IGF2BP1: variants seen among roughly 807,000 people sequenced by gnomAD.
IGF2BP1 encodes the protein insulin like growth factor 2 mRNA binding protein 1.
In IGF2BP1, 11 loss-of-function variants were observed where a neutral mutation model predicts 74.9. The observed-to-expected ratio is 0.15, with a 90% CI of 0.09 to 0.24. IGF2BP1 has a LOEUF of 0.24. IGF2BP1 is among the 10% of genes least tolerant of loss of function. The pLI, the probability that IGF2BP1 is intolerant of heterozygous loss-of-function variation, is 1.00. For synonymous variants in IGF2BP1, 287 were observed against 281.8 expected, an observed-to-expected ratio of 1.02 and a Z score of -0.18; for missense variants, 440 against 757.4, an observed-to-expected ratio of 0.58 and a Z score of 4.92.
rs2041844758 is a variant in IGF2BP1 at position 49,025,736 on chromosome 17, G to A, written c.285+70G>A. 3 of 1,422,780 alleles carry A rather than the reference G, an allele frequency of 2.1e-6. No homozygotes were observed. The South Asian group carries it at 3.6e-5, about 17-fold the overall frequency. The allele number at this position is 1,422,780 out of a possible 1,614,324, so 88.1% of individuals were successfully genotyped here. On this transcript the variant is annotated intron_variant, in intron 3 of 14. Transcript: ENST00000290341. ...CTGGAAAGTACGTCTGGACTAGCTG[G>A]AGTTGCCAGAAATGATTGGGGAGGT...
At chr17:49,021,711 T>C (rs1426996278) in intron 2 of IGF2BP1, among the ~76,000 whole-genome samples, 2 of 152,224 alleles carry the variant, frequency 1.3e-5, no homozygotes, top group East Asian at 3.8e-4. Flanking sequence ...GGGGAGGGAC[T>C]AATGAACTCA....
intron 9 of IGF2BP1, 29 bp downstream of exon 9, chr17:49,042,406 T>C (rs1186278368): frequency 1.2e-6 from 2 of 1,613,744 alleles, no homozygotes; most frequent in Middle Eastern, 1.6e-4. Context: ...CCTCTGCTTA[T>C]CCTTTCCTGA....
intron 1 of IGF2BP1, among the ~76,000 whole-genome samples, chr17:48,998,758 G>A (rs1333187901): frequency 6.6e-6 from 1 of 152,190 alleles, no homozygotes; most frequent in Non-Finnish European, 1.5e-5. Flanking sequence ...TCTGAGGAAC[G>A]GGGAGCCCTT....
At chr17:49,019,215 C>T (rs910310027) in intron 2 of IGF2BP1, among the ~76,000 whole-genome samples, 1 of 152,106 alleles carries the variant, frequency 6.6e-6, no homozygotes, top group Non-Finnish European at 1.5e-5. Flanking sequence ...TTTCAGTCTC[C>T]CATTCACACT....
At chr17:49,025,721 C>T (rs573198351) in intron 3 of IGF2BP1, 55 bp downstream of exon 3, 80 of 1,520,084 alleles carry the variant, frequency 5.3e-5, no homozygotes, top group Admixed American at 3.9e-4. Context: ...CTGGAAAGTA[C>T]GTCTGGACTA....
intron 4 of IGF2BP1, 140 bp from the exon 5 acceptor site, chr17:49,031,770 A>C: frequency 1.4e-6 from 1 of 739,476 alleles, no homozygotes; most frequent in Non-Finnish European, 2.3e-6. Flanking sequence ...CCAAGATGCT[A>C]GGATTTGCAG....
At chr17:48,998,504 T>C (rs1370523415) in intron 1 of IGF2BP1, among the ~76,000 whole-genome samples, 3 of 151,116 alleles carry the variant, frequency 2.0e-5, no homozygotes, top group Admixed American at 1.3e-4. Flanking sequence ...GTGAGCGGGG[T>C]GGCGCGGCGG....
intron 2 of IGF2BP1, chr17:49,014,834 C>T (rs1433803290): frequency 1.0e-6 from 1 of 985,366 alleles, no homozygotes; most frequent in Non-Finnish European, 1.2e-6. Flanking sequence ...TCTCATGGTG[C>T]GGTGGGAAGC....
intron 14 of IGF2BP1, among the ~76,000 whole-genome samples, 193 bp downstream of exon 14, chr17:49,046,566 AT>A (rs1187368283): frequency 2.6e-5 from 4 of 151,764 alleles, no homozygotes; most frequent in African/African-American, 9.7e-5. Context: ...ATTACCTCTT[AT>A]TACTCTCTAG....
rs749024088 is a variant in IGF2BP1, at chr17:49,040,050, G to T, written c.777G>T (p.Met259Ile). Residue 259 changes from methionine (M) to isoleucine (I), a missense_variant, in exon 7 of 15, where the codon ATG (methionine) becomes ATT (isoleucine). Around this residue, in one of 5 missense-constraint regions of IGF2BP1, gnomAD observed 184 missense variants for 273.4 expected, o/e 0.67. Transcript: ENST00000290341. ...TPEGCSSACK[M>I]ILEIMHKEAK... The stretch of plus-strand genomic sequence containing the variant: ...AGGGCTGCTCCTCCGCTTGTAAGAT[G>T]ATCTTGGAGATTATGCATAAAGAGG... 6.2e-7 allele frequency: 1 copy of T among 1,613,994 alleles called. No individual in the cohort carries two copies. The highest frequency in any genetic ancestry group is 8.5e-7 in the Non-Finnish European group (1 of 1,180,036).
intron 2 of IGF2BP1, among the ~76,000 whole-genome samples, chr17:49,020,374 C>T (rs557500829): frequency 6.6e-6 from 1 of 152,082 alleles, no homozygotes; most frequent in Non-Finnish European, 1.5e-5. Context: ...GGAATTAACA[C>T]GCCAGGCTCT....
rs1491495832 is a variant in IGF2BP1, at chr17:49,038,874, A to ATCT, written c.683+426_683+427insCTT. Among the ~76,000 whole-genome samples the ATCT allele has an allele frequency of 3.5e-3, 266 of 75,272 alleles. 13 individuals are homozygous for ATCT. The highest frequency in any genetic ancestry group is 0.014 in the African/African-American group (254 of 17,864). The allele number at this position is 75,272 out of a possible 152,430, so 49.4% of individuals were successfully genotyped here. On this transcript the variant is annotated intron_variant, in intron 6 of 14. Transcript: ENST00000290341. Reference sequence around the variant, plus strand: ...CTGCCACTGCCACCTTCTTTCTTTAATATTTTTTTTTTTTTTTTTTTGAGA... The same window carrying ATCT: ...CTGCCACTGCCACCTTCTTTCTTTAATCTTATTTTTTTTTTTTTTTTTTTGAGA...
chr17:48,997,565 C>G lies in IGF2BP1; in HGVS notation c.-181C>G. 1 of 623,922 alleles carries G rather than the reference C, an allele frequency of 1.6e-6. No homozygotes were observed. The highest frequency in any genetic ancestry group is 2.8e-5 in the East Asian group (1 of 35,156). The allele number at this position is 623,922 out of a possible 1,614,324, so 38.6% of individuals were successfully genotyped here. Reference sequence around the variant, plus strand: ...GGGCTCTCCCCGAACTCTCCCGCGACCTCTGCGCGCCCTCAGGCCGCCTTC... The same window carrying G: ...GGGCTCTCCCCGAACTCTCCCGCGAGCTCTGCGCGCCCTCAGGCCGCCTTC... On this transcript the variant is annotated 5_prime_UTR_variant, in exon 1 of 15. Transcript: ENST00000290341. This position sits in a 1 kb window ranked among gnomAD's most constrained non-coding sequence, Gnocchi z 4.8.
chr17:49,043,686 C>T lies in IGF2BP1; in HGVS notation c.1200+136C>T, dbSNP rs899700353. On this transcript the variant is annotated intron_variant, in intron 10 of 14. Coordinates refer to ENST00000290341, the MANE Select transcript of IGF2BP1 (RefSeq NM_006546.4). ...GAAGGAAGGTCTCAGAGGCATCCCT[C>T]CTCTCCAGTGCTCCTAGCCACTGGC... 5.4e-6 allele frequency: 6 copies of T among 1,115,526 alleles called. No individual in the cohort carries two copies. In the Admixed American group the frequency reaches 1.2e-4, roughly 23 times the overall value. 69.1% of individuals were successfully genotyped at this position (1,115,526 alleles called of 1,614,324 possible). A position where few individuals can be genotyped will look rare whatever the true frequency, so the allele number is the denominator to read the frequency against.
At chr17:49,035,786 C>A (rs951851803) in intron 5 of IGF2BP1, among the ~76,000 whole-genome samples, 5 of 152,208 alleles carry the variant, frequency 3.3e-5, no homozygotes, top group African/African-American at 1.2e-4. Context: ...GCCCGCCCCC[C>A]ACCACTTTGC....
At chr17:49,003,763 T>A (rs1315939739) in intron 2 of IGF2BP1, among the ~76,000 whole-genome samples, 2 of 105,182 alleles carry the variant, frequency 1.9e-5, no homozygotes, top group African/African-American at 7.5e-5. Context: ...AGTCCCGGCT[T>A]GGAAATTCCA....
chr17:49,020,169 A>G (rs951654806), intron 2 of IGF2BP1, among the ~76,000 whole-genome samples: 13 of 151,268 alleles, frequency 8.6e-5, no homozygotes, highest in African/African-American at 2.7e-4. Context: ...TCATGCTTCA[A>G]AGTAGCTGGG....
chr17:49,010,685 T>C (rs939791540), intron 2 of IGF2BP1, among the ~76,000 whole-genome samples: 1 of 152,116 alleles, frequency 6.6e-6, no homozygotes, highest in African/African-American at 2.4e-5. Context: ...TATTGGGTCT[T>C]TTCAGGTGGG....
In IGF2BP1 at chr17:49,040,020, C is replaced by T. The variant is rs1214860749; in HGVS notation, c.747C>T (p.Thr249=). 3.1e-6 allele frequency: 5 copies of T among 1,613,804 alleles called. No individual in the cohort carries two copies. Among genetic ancestry groups the T allele is most frequent in the South Asian group, 1.1e-5 (1 of 91,068 alleles). ...AAAAAGCCATCAGTGTGCACTCCAC[C>T]CCTGAGGGCTGCTCCTCCGCTTGTA... ...AAEKAISVHS[T]PEGCSSACKM... The change falls in exon 7 of 15, where the codon ACC becomes ACT. Residue 249 remains threonine (T), a synonymous_variant. Transcript: ENST00000290341.
Sources: gnomAD v4.1 joint callset for allele counts (sites outside exome capture counted in the v4.1 genomes callset) on GRCh38, gnomAD v4.1.1 for gene constraint, gnomAD v4.1.1 regional missense constraint, Gnocchi (gnomAD v3.1) non-coding constraint, MANE v1.5 for transcripts, NCBI Gene and HGNC (gene_info 2026-07-23, HGNC 2026-07-21) for gene names.